The following ACR variants were observed in gnomAD, a reference collection of about 807,000 sequenced individuals.
ACR encodes acrosin, also known as acrosin light and heavy chain prepropeptide.
Under a neutral mutation model 26.0 loss-of-function variants are expected in ACR, and 17 were observed. The observed-to-expected ratio is 0.65, with a 90% CI of 0.45 to 0.98. The LOEUF is 0.98. Ranked by LOEUF, ACR falls within the 50% of genes least tolerant of loss-of-function variation. ACR has a pLI of 0.00. For synonymous variants in ACR, 199 were observed against 207.7 expected, an observed-to-expected ratio of 0.96 and a Z score of 0.36; for missense variants, 435 against 519.3, an observed-to-expected ratio of 0.84 and a Z score of 1.58.
chr22:50,740,495 C>T (rs2083420532), intron 3 of ACR: 2 of 660,576 alleles, frequency 3.0e-6, no homozygotes, highest in Non-Finnish European at 5.5e-6. Context: ...GCAGCCACCT[C>T]CGGTGCAGTC....
At chr22:50,743,047 T>C (rs2083432221) in intron 3 of ACR, among the ~76,000 whole-genome samples, 2 of 152,160 alleles carry the variant, frequency 1.3e-5, no homozygotes, top group Non-Finnish European at 2.9e-5. Flanking sequence ...TCTTTCTTTT[T>C]TTGTTTGAGA....
At chr22:50,742,461 G>A (rs374054353) in intron 3 of ACR, among the ~76,000 whole-genome samples, 306 of 150,684 alleles carry the variant, frequency 2.0e-3, no homozygotes, top group African/African-American at 7.0e-3. Context: ...GGAGAATGGC[G>A]TGAACCCAGG....
chr22:50,743,915 G>C, intron 3 of ACR, 146 bp from the exon 4 acceptor site: 1 of 726,092 alleles, frequency 1.4e-6, no homozygotes, highest in South Asian at 1.7e-5. Flanking sequence ...TGCTCTTTCT[G>C]GTGTATAAGG....
Position 50,742,597 on chromosome 22 carries a change from C to T in ACR, c.566-1464C>T, listed in dbSNP as rs186986450. 2.0e-5 allele frequency among the ~76,000 whole-genome samples: 3 copies of T among 151,590 alleles called. 1 individual carries two copies. Among genetic ancestry groups the T allele is most frequent in the East Asian group, 3.9e-4 (2 of 5,158 alleles). On this transcript the variant is annotated intron_variant, in intron 3 of 4. Transcript: ENST00000216139. ...ATGGCTAATAAGCCAGGATTGTTGTCATTGTTGTTTCAATGTCACCCCTAC... is the reference window on the plus strand; with the variant it reads ...ATGGCTAATAAGCCAGGATTGTTGTTATTGTTGTTTCAATGTCACCCCTAC...
In ACR at chr22:50,739,297, A is replaced by G. The variant is rs751325618; in HGVS notation, c.104A>G (p.Gln35Arg). Reference sequence around the variant, plus strand: ...GGCCCCTGTGGGTTACGGTTCAGGCAAAACCCACAGGGTGGTGTCCGCATC... The same window carrying G: ...GGCCCCTGTGGGTTACGGTTCAGGCGAAACCCACAGGGTGGTGTCCGCATC... ...CDGPCGLRFRQNPQGGVRIVG... is the reference protein window; with the variant it reads ...CDGPCGLRFRRNPQGGVRIVG... Residue 35 changes from glutamine to arginine, a missense_variant, in exon 2 of 5, where the codon CAA becomes CGA. Physicochemically the swap from Gln to Arg is conservative, Grantham distance 43 (BLOSUM62 1). Transcript: ENST00000216139. The surrounding 1 kb of genome is among the most constrained non-coding windows in gnomAD (Gnocchi z 5.5). The G allele has an allele frequency of 1.3e-6, 2 of 1,591,256 alleles. No individual in the cohort carries two copies. The highest frequency in any genetic ancestry group is 1.7e-6 in the Non-Finnish European group (2 of 1,168,374).
chr22:50,743,256 CGA>C (rs2083434363), intron 3 of ACR, among the ~76,000 whole-genome samples: 1 of 151,994 alleles, frequency 6.6e-6, no homozygotes, highest in Admixed American at 6.6e-5. Context: ...AGGATGGTCT[CGA>C]ACTCCTGACC....
intron 1 of ACR, among the ~76,000 whole-genome samples, chr22:50,738,988 G>A (rs2083411395): frequency 1.3e-5 from 2 of 152,154 alleles, no homozygotes; most frequent in African/African-American, 2.4e-5. Context: ...TTCTGCCCAG[G>A]GACGGGCCAT....
chr22:50,740,388 A>G, intron 3 of ACR: 1 of 589,030 alleles, frequency 1.7e-6, no homozygotes, highest in Non-Finnish European at 3.0e-6. Flanking sequence ...CTGTAAATGG[A>G]GGGGCTGGAT....
chr22:50,741,620 G>T (rs1467233900), intron 3 of ACR, among the ~76,000 whole-genome samples: 1 of 151,754 alleles, frequency 6.6e-6, no homozygotes, highest in Non-Finnish European at 1.5e-5. Flanking sequence ...TCTGTTTGGG[G>T]TTTTTTTGTT....
At chr22:50,743,400 T>G (rs1342839630) in intron 3 of ACR, 3 of 152,628 alleles carry the variant, frequency 2.0e-5, no homozygotes, top group African/African-American at 7.2e-5. Flanking sequence ...CTGCCAGGTC[T>G]GCCCGTGTGT....
intron 1 of ACR, among the ~76,000 whole-genome samples, chr22:50,738,528 A>C (rs2083409050): frequency 2.2e-5 from 3 of 137,616 alleles, no homozygotes; most frequent in African/African-American, 2.8e-5. Flanking sequence ...TGCCTCTCCC[A>C]CTCCCCCAGG....
chr22:50,744,237 G>A (rs373637798), intron 4 of ACR, 31 bp downstream of exon 4: 5 of 1,582,932 alleles, frequency 3.2e-6, no homozygotes, highest in Non-Finnish European at 4.3e-6. Flanking sequence ...TGGGCCCCTG[G>A]GTCCCTCCAG....
At chr22:50,741,847 G>GAC (rs1569124038) in intron 3 of ACR, among the ~76,000 whole-genome samples, 3 of 151,302 alleles carry the variant, frequency 2.0e-5, no homozygotes, top group Non-Finnish European at 4.4e-5. Context: ...AAGCCCAGGT[G>GAC]TCGGCTGGGT....
intron 3 of ACR, chr22:50,743,404 C>G (rs1446180995): frequency 6.6e-6 from 1 of 152,470 alleles, no homozygotes; most frequent in Admixed American, 6.5e-5. Flanking sequence ...CAGGTCTGCC[C>G]GTGTGTGGAG....
At chr22:50,740,199 A>G in intron 3 of ACR, 1 of 677,384 alleles carries the variant, frequency 1.5e-6, no homozygotes, top group Non-Finnish European at 2.7e-6. Flanking sequence ...AGGTGCAGGC[A>G]GAGCGCAGCG....
At chr22:50,743,095 G>T (rs927142774) in intron 3 of ACR, among the ~76,000 whole-genome samples, 2 of 151,724 alleles carry the variant, frequency 1.3e-5, no homozygotes, top group African/African-American at 4.8e-5. Context: ...GAGTGCAGTG[G>T]CGCCATCTCG....
At chr22:50,744,447 C>A in intron 4 of ACR, 1 of 791,760 alleles carries the variant, frequency 1.3e-6, no homozygotes, top group Non-Finnish European at 2.0e-6. Flanking sequence ...GCTCATCTCA[C>A]TGCAAGGAAA....
At chr22:50,742,528 A>T (rs1461122073) in intron 3 of ACR, among the ~76,000 whole-genome samples, 6 of 135,406 alleles carry the variant, frequency 4.4e-5, no homozygotes, top group Non-Finnish European at 7.9e-5. Flanking sequence ...TGGGCGACAG[A>T]GCAAGACTCC....
intron 4 of ACR, 64 bp from the exon 5 acceptor site, chr22:50,744,589 C>A: frequency 6.6e-7 from 1 of 1,508,746 alleles, no homozygotes; most frequent in Admixed American, 2.2e-5. Flanking sequence ...CAGAGCCTTC[C>A]GACCCCTCTG....
Sources: gnomAD v4.1 joint callset for allele counts (sites outside exome capture counted in the v4.1 genomes callset) on GRCh38, gnomAD v4.1.1 for gene constraint, Gnocchi (gnomAD v3.1) non-coding constraint, MANE v1.5 for transcripts, NCBI Gene and HGNC (gene_info 2026-07-23, HGNC 2026-07-21) for gene names.